The following UNC79 variants were observed in gnomAD, a reference collection of about 807,000 sequenced individuals.
UNC79 encodes unc-79 subunit of NALCN channel complex, also known as protein unc-79 homolog.
A neutral mutation model predicts 283.1 loss-of-function variants in UNC79; 37 were observed. The observed-to-expected ratio is 0.13, with a 90% CI of 0.10 to 0.17. The LOEUF (loss-of-function observed/expected upper bound fraction) is 0.17. Among genes scored for constraint, UNC79 ranks in the 10% least tolerant of loss-of-function variants. The pLI is 1.00. For synonymous variants in UNC79, 1,107 were observed against 1,200.2 expected (o/e 0.92, Z 1.61); for missense variants, 2,272 against 3,211.1 (o/e 0.71, Z 7.07).
exon 4 of UNC79, chr14:93,477,688 C>G: frequency 1.2e-6 from 2 of 1,613,318 alleles, no homozygotes; most frequent in Non-Finnish European, 1.7e-6. Flanking sequence ...ACAAGGATAT[C>G]ATTGAATATC....
At chr14:93,651,072 T>G (rs1432233663) in intron 35 of UNC79, among the ~76,000 whole-genome samples, 1 of 152,192 alleles carries the variant, frequency 6.6e-6, no homozygotes, top group African/African-American at 2.4e-5. Context: ...GTGGTGCCTG[T>G]TAAGCTTAGA....
At chr14:93,624,221 G>A (rs2067365098) in intron 30 of UNC79, among the ~76,000 whole-genome samples, 1 of 152,132 alleles carries the variant, frequency 6.6e-6, no homozygotes, top group South Asian at 2.1e-4. Context: ...TTAGCTCCTA[G>A]GACAGAGCTG....
intron 22 of UNC79, among the ~76,000 whole-genome samples, chr14:93,588,418 G>C (rs966702096): frequency 2.0e-5 from 3 of 152,108 alleles, no homozygotes; most frequent in African/African-American, 2.4e-5. Context: ...AGAGAAAAGG[G>C]AGTAGACATT....
At position 93,404,493 on chromosome 14, in the gene UNC79, A is replaced by AAAAAAAAAAAAATATATATATAT; in HGVS notation, c.-350-63177_-350-63176insAAAAAAAAAAATATATATATATA. Among the ~76,000 whole-genome samples the AAAAAAAAAAAAATATATATATAT allele has an allele frequency of 3.8e-3, 234 of 61,442 alleles. 8 individuals are homozygous for AAAAAAAAAAAAATATATATATAT. The highest frequency in any genetic ancestry group is 5.9e-3 in the Non-Finnish European group (184 of 31,130). The allele number at this position is 61,442 out of a possible 152,430, so 40.3% of individuals were successfully genotyped here. A position where few individuals can be genotyped will look rare whatever the true frequency, so the allele number is the denominator to read the frequency against. On this transcript the variant is annotated intron_variant, in intron 1 of 49. Transcript: ENST00000256339. ...TGACAGAGTGAGACCTTCTAAAAAAAATATATATATATATATATATAAATA... is the reference window on the plus strand; with the variant it reads ...TGACAGAGTGAGACCTTCTAAAAAAAAAAAAAAAAAAATATATATATATATATATATATATATATATATAAATA...
chr14:93,476,686 A>G (rs2140346783), intron 3 of UNC79, among the ~76,000 whole-genome samples: 1 of 152,368 alleles, frequency 6.6e-6, no homozygotes, highest in South Asian at 2.1e-4. Context: ...AGTCTTCATC[A>G]TCAAACCTTG....
intron 40 of UNC79, among the ~76,000 whole-genome samples, chr14:93,668,396 T>C (rs2072450997): frequency 1.3e-5 from 2 of 152,090 alleles, no homozygotes; most frequent in Admixed American, 1.3e-4. Flanking sequence ...TCTATTGTGG[T>C]GACAAAAGAT....
intron 22 of UNC79, among the ~76,000 whole-genome samples, chr14:93,589,620 G>T (rs1262955266): frequency 5.3e-5 from 8 of 152,122 alleles, no homozygotes; most frequent in Admixed American, 5.2e-4. Flanking sequence ...ATGGACCAAA[G>T]AATTGGGAGA....
At chr14:93,550,965 A>C in intron 14 of UNC79, among the ~76,000 whole-genome samples, 1 of 152,218 alleles carries the variant, frequency 6.6e-6, no homozygotes, top group Non-Finnish European at 1.5e-5. Flanking sequence ...CAAGGCAGAC[A>C]GTGGAGGCAC....
At chr14:93,571,525 G>T (rs1378640949) in intron 14 of UNC79, among the ~76,000 whole-genome samples, 1 of 152,150 alleles carries the variant, frequency 6.6e-6, no homozygotes, top group Non-Finnish European at 1.5e-5. Flanking sequence ...CAGGTATAAC[G>T]TGCATGTTGT....
At chr14:93,369,815 G>A (rs1205375926) in intron 1 of UNC79, among the ~76,000 whole-genome samples, 2 of 152,194 alleles carry the variant, frequency 1.3e-5, no homozygotes, top group Non-Finnish European at 2.9e-5. Flanking sequence ...GCCTTTAGGG[G>A]AACTAGTTAA....
chr14:93,495,535 G>T lies in UNC79; in HGVS notation c.713-876G>T, dbSNP rs372597544. On this transcript the variant is annotated intron_variant, in intron 5 of 48. Transcript: ENST00000555664. The stretch of plus-strand genomic sequence containing the variant: ...AATTGGCAAATGGACAAGAAAAAAA[G>T]GGTGTTGACAGCAGTTGAGTAGCAA... Among the ~76,000 whole-genome samples, 6 of 152,304 alleles carry T rather than the reference G, an allele frequency of 3.9e-5. No homozygotes were observed. The East Asian group carries it at 1.2e-3, about 29-fold the overall frequency.
intron 1 of UNC79, among the ~76,000 whole-genome samples, chr14:93,451,368 A>C (rs1315082643): frequency 2.0e-5 from 3 of 152,218 alleles, no homozygotes; most frequent in African/African-American, 4.8e-5. Flanking sequence ...CACAGAAGGA[A>C]GGAGAAAAAA....
chr14:93,345,622 A>C (rs1207435382), intron 1 of UNC79, among the ~76,000 whole-genome samples: 2 of 152,202 alleles, frequency 1.3e-5, no homozygotes, highest in African/African-American at 4.8e-5. Context: ...GAAATCCTGC[A>C]AAATGTAGAA....
chr14:93,612,385 T>C (rs926180955), intron 26 of UNC79, among the ~76,000 whole-genome samples: 8 of 152,232 alleles, frequency 5.3e-5, no homozygotes, highest in Non-Finnish European at 1.0e-4. Flanking sequence ...TTTTAGACTA[T>C]AACGTTTTGT....
intron 47 of UNC79, among the ~76,000 whole-genome samples, chr14:93,702,092 C>T (rs1011350824): frequency 4.6e-5 from 7 of 152,204 alleles, no homozygotes; most frequent in African/African-American, 1.7e-4. Context: ...TCTGTAGCAT[C>T]AGCACCCTCC....
intron 1 of UNC79, among the ~76,000 whole-genome samples, chr14:93,443,328 A>G (rs533306452): frequency 6.6e-6 from 1 of 152,212 alleles, no homozygotes; most frequent in Non-Finnish European, 1.5e-5. Context: ...TCCCAGTTCC[A>G]GGAAGACATT....
chr14:93,497,084 G>A, intron 6 of UNC79, 73 bp from the exon 7 acceptor site: 1 of 1,513,618 alleles, frequency 6.6e-7, no homozygotes, highest in Admixed American at 2.1e-5. Flanking sequence ...TCACTGCTTT[G>A]GTAATGTTGA....
chr14:93,509,745 T>C lies in UNC79; in HGVS notation c.898+12459T>C, dbSNP rs373695049. Among the ~76,000 whole-genome samples the C allele has an allele frequency of 1.4e-4, 21 of 152,258 alleles. 1 individual carries two copies. The East Asian group carries it at 1.9e-3, about 14-fold the overall frequency. On this transcript the variant is annotated intron_variant, in intron 7 of 48. Transcript: ENST00000555664. The stretch of plus-strand genomic sequence containing the variant: ...CAAGGTACATCCTCTGCAGCTGCTT[T>C]CATGGGCTGGTGTTGAGTACCCGCA...
intron 2 of UNC79, among the ~76,000 whole-genome samples, chr14:93,472,481 AAT>A (rs1215804906): frequency 2.6e-5 from 4 of 152,110 alleles, no homozygotes; most frequent in Non-Finnish European, 4.4e-5. Flanking sequence ...TACAAAAAAA[AAT>A]CTTAAGTTAT....
Sources: allele counts gnomAD v4.1 joint callset (sites outside exome capture counted in the v4.1 genomes callset), GRCh38; gene constraint gnomAD v4.1.1; transcripts MANE v1.5; gene names NCBI Gene and HGNC (gene_info 2026-07-23, HGNC 2026-07-21).